The following RNF4 variants were observed in gnomAD, a reference collection of about 807,000 sequenced individuals.
The protein encoded by RNF4 is ring finger protein 4, also known as E3 ubiquitin-protein ligase RNF4.
A neutral mutation model predicts 24.3 loss-of-function variants in RNF4; 7 were observed. The ratio of observed to expected loss-of-function variants is 0.29; its 90% CI spans 0.16 to 0.54. The LOEUF (loss-of-function observed/expected upper bound fraction) is 0.54. Ranked by LOEUF, RNF4 falls within the 20% of genes least tolerant of loss-of-function variation. RNF4 has a pLI of 0.95. For missense variants in RNF4, 209 were observed against 248.5 expected, an observed-to-expected ratio of 0.84 and a Z score of 1.07; for synonymous variants, 83 against 84.3, an observed-to-expected ratio of 0.98 and a Z score of 0.09.
chr4:2,482,796 G>C (rs1208653126), intron 1 of RNF4, among the ~76,000 whole-genome samples: 3 of 152,190 alleles, frequency 2.0e-5, no homozygotes, highest in African/African-American at 7.2e-5. Context: ...TTCAGGGGAG[G>C]CCAATGTTCA....
Position 2,514,910 on chromosome 4 carries a change from C to T in RNF4, c.*1091C>T, listed in dbSNP as rs2108782158. 1 of 152,626 alleles carries T rather than the reference C, an allele frequency of 6.6e-6. No individual in the cohort carries two copies. The highest frequency in any genetic ancestry group is 1.5e-5 in the Non-Finnish European group (1 of 68,088). The allele number at this position is 152,626 out of a possible 1,614,324, so 9.5% of individuals were successfully genotyped here. ...GCTTCCTGGCCACTGGGCTTGGATG[C>T]TTCGGGCTTCTGACTGCTCCATAGG... On this transcript the variant is annotated 3_prime_UTR_variant, in exon 8 of 8. Transcript: ENST00000314289.
At chr4:2,473,679 C>T (rs779479088) in intron 1 of RNF4, among the ~76,000 whole-genome samples, 11 of 151,984 alleles carry the variant, frequency 7.2e-5, no homozygotes, top group Middle Eastern at 6.8e-3. Flanking sequence ...GGCGTGGTGG[C>T]GCACGCCTGT....
chr4:2,476,317 T>A (rs1009936990), intron 1 of RNF4, among the ~76,000 whole-genome samples: 1 of 152,224 alleles, frequency 6.6e-6, no homozygotes, highest in African/African-American at 2.4e-5. Flanking sequence ...CTCCTACTCT[T>A]GCAAGTTGAA....
intron 1 of RNF4, among the ~76,000 whole-genome samples, chr4:2,488,892 C>G (rs1329540041): frequency 2.6e-5 from 4 of 151,932 alleles, no homozygotes; most frequent in African/African-American, 9.7e-5. Context: ...GATCTCGGCT[C>G]CTCTGCCTCC....
chr4:2,477,646 C>G lies in RNF4; in HGVS notation c.-158+8388C>G, dbSNP rs567444492. 1.2e-4 allele frequency among the ~76,000 whole-genome samples: 19 copies of G among 152,284 alleles called. No homozygotes were observed. The East Asian group carries it at 3.5e-3, about 28-fold the overall frequency. On this transcript the variant is annotated intron_variant, in intron 1 of 7. Coordinates refer to ENST00000314289, the MANE Select transcript of RNF4 (RefSeq NM_002938.5). Reference sequence around the variant, plus strand: ...GTTTCCCTACACAAGCTCTCTTTGCCTGCTGCCATCTATGTAAGGCATGAC... The same window carrying G: ...GTTTCCCTACACAAGCTCTCTTTGCGTGCTGCCATCTATGTAAGGCATGAC...
chr4:2,473,684 G>A (rs969609738), intron 1 of RNF4, among the ~76,000 whole-genome samples: 10 of 152,058 alleles, frequency 6.6e-5, no homozygotes, highest in African/African-American at 1.9e-4. Flanking sequence ...GGTGGCGCAC[G>A]CCTGTAATCC....
intron 1 of RNF4, chr4:2,469,823 G>A (rs1030143500): frequency 6.6e-6 from 1 of 152,574 alleles, no homozygotes; most frequent in Non-Finnish European, 1.5e-5. Context: ...CGATTTCCGG[G>A]CGCGCTTCCG....
At chr4:2,474,537 T>C (rs540964144) in intron 1 of RNF4, among the ~76,000 whole-genome samples, 1 of 152,188 alleles carries the variant, frequency 6.6e-6, no homozygotes, top group Non-Finnish European at 1.5e-5. Context: ...GTGAACATTG[T>C]TGAGATTATA....
intron 1 of RNF4, among the ~76,000 whole-genome samples, chr4:2,474,762 C>T (rs527799921): frequency 5.9e-5 from 9 of 152,306 alleles, no homozygotes; most frequent in Admixed American, 5.9e-4. Flanking sequence ...CGGTGGCTCA[C>T]GCCTGTAATC....
intron 1 of RNF4, among the ~76,000 whole-genome samples, chr4:2,487,378 C>T (rs1223814696): frequency 6.6e-6 from 1 of 152,152 alleles, no homozygotes; most frequent in Non-Finnish European, 1.5e-5. Context: ...CTCCGCCTCC[C>T]GGGTTCAAGT....
At chr4:2,504,042 C>G (rs1735993826) in intron 4 of RNF4, among the ~76,000 whole-genome samples, 1 of 152,128 alleles carries the variant, frequency 6.6e-6, no homozygotes, top group Non-Finnish European at 1.5e-5. Context: ...CATAGTGAGA[C>G]CCTGTCTTCT....
rs915712294 is a variant in RNF4, at chr4:2,513,947, C to T, written c.*128C>T. 8.0e-7 allele frequency: 1 copy of T among 1,246,198 alleles called. No homozygotes were observed. Among genetic ancestry groups the T allele is most frequent in the East Asian group, 2.3e-5 (1 of 42,944 alleles). 77.2% of individuals were successfully genotyped at this position (1,246,198 alleles called of 1,614,324 possible). A position where few individuals can be genotyped will look rare whatever the true frequency, so the allele number is the denominator to read the frequency against. On this transcript the variant is annotated 3_prime_UTR_variant, in exon 8 of 8. Coordinates refer to ENST00000314289, the MANE Select transcript of RNF4 (RefSeq NM_002938.5). Reference sequence around the variant, plus strand: ...ACCAACATCTGATATGTAAACTGCTCTTTTGTTTCCAACCCCTTCCTTTTG... The same window carrying T: ...ACCAACATCTGATATGTAAACTGCTTTTTTGTTTCCAACCCCTTCCTTTTG...
Position 2,492,979 on chromosome 4 carries a change from T to C in RNF4, c.9+2477T>C, listed in dbSNP as rs533110606. ...TATAGCTTATGTGGTTGTGATAGGA[T>C]GGTCAGTTTTCACCAAAAGCTATGG... is the stretch of plus-strand genomic sequence containing the variant. On this transcript the variant is annotated intron_variant, in intron 2 of 7. Transcript: ENST00000314289. Among the ~76,000 whole-genome samples, 14 of 152,320 alleles carry C rather than the reference T, an allele frequency of 9.2e-5. No homozygotes were observed. The South Asian group carries it at 1.7e-3, about 18-fold the overall frequency.
intron 4 of RNF4, 94 bp from the exon 5 acceptor site, chr4:2,511,862 G>A (rs1560415005): frequency 1.6e-6 from 2 of 1,263,500 alleles, no homozygotes; most frequent in Non-Finnish European, 2.3e-6. Flanking sequence ...TCCACAGAGG[G>A]TGTCACACGT....
intron 1 of RNF4, among the ~76,000 whole-genome samples, chr4:2,475,028 A>G (rs1316261388): frequency 6.6e-6 from 1 of 152,108 alleles, no homozygotes; most frequent in Non-Finnish European, 1.5e-5. Context: ...ACTCCATCTC[A>G]AAAAAAGAAA....
Position 2,513,708 on chromosome 4 carries a change from C to T in RNF4, c.462C>T (p.Cys154=), listed in dbSNP as rs760070877. ...GACGTCTCATCGTTTCCACAGAATGCGGCCATGTCTTCTGTAGCCAGTGCC... is the reference window on the plus strand; with the variant it reads ...GACGTCTCATCGTTTCCACAGAATGTGGCCATGTCTTCTGTAGCCAGTGCC... ...QNGRLIVSTE[C]GHVFCSQCLR... Residue 154 remains cysteine, a synonymous_variant, in exon 8 of 8, where the codon TGC becomes TGT. Transcript: ENST00000314289. 5 of 1,613,982 alleles carry T rather than the reference C, an allele frequency of 3.1e-6. No homozygotes were observed. The highest frequency in any genetic ancestry group is 1.1e-5 in the South Asian group (1 of 91,086).
rs778927684 is a variant in RNF4 at position 2,497,105 on chromosome 4, A to G, written c.108A>G (p.Ile36Met). ...AGATCTCCTTGGAAGCAGAACCCAT[A>G]GAACTCGTGGAAACTGGTAAGATTG... Reference protein sequence around the residue: ...TPEISLEAEPIELVETAGDEI... With the variant: ...TPEISLEAEPMELVETAGDEI... Residue 36 changes from isoleucine to methionine, a missense_variant, in exon 3 of 8, where the codon ATA becomes ATG. By Grantham distance (10) the Ile-to-Met change is conservative. Transcript: ENST00000314289. 3.1e-6 allele frequency: 5 copies of G among 1,607,648 alleles called. No homozygotes were observed. The South Asian group carries it at 5.6e-5, about 18-fold the overall frequency.
chr4:2,490,742 T>C, intron 2 of RNF4: 1 of 448,292 alleles, frequency 2.2e-6, no homozygotes, highest in Non-Finnish European at 4.0e-6. Context: ...TAGCTTAGGG[T>C]TTGGTAATCT....
chr4:2,491,799 T>A (rs1193706797), intron 2 of RNF4, among the ~76,000 whole-genome samples: 4 of 152,026 alleles, frequency 2.6e-5, no homozygotes, highest in Admixed American at 6.6e-5. Context: ...AGTGGTGTGA[T>A]CATAGCTCAC....
Sources: allele counts gnomAD v4.1 joint callset (sites outside exome capture counted in the v4.1 genomes callset), GRCh38; gene constraint gnomAD v4.1.1; transcripts MANE v1.5; gene names NCBI Gene and HGNC (gene_info 2026-07-23, HGNC 2026-07-21).